HEXA: variants seen among roughly 807,000 people sequenced by gnomAD.
HEXA encodes beta-hexosaminidase subunit alpha.
A neutral mutation model predicts 73.3 loss-of-function variants in HEXA; 54 were observed. That is an observed-to-expected ratio of 0.74 (90% CI 0.59 to 0.92). The LOEUF (loss-of-function observed/expected upper bound fraction) is 0.92, where lower values mean the gene tolerates loss of function less well. HEXA is among the 40% of genes least tolerant of loss of function. HEXA has a pLI of 0.00. For synonymous variants in HEXA, 230 were observed against 246.9 expected (o/e 0.93, Z 0.64); for missense variants, 649 against 653.0 (o/e 0.99, Z 0.07).
rs1358141089 is a variant in HEXA, at chr15:72,342,609, G to A, written c.*1468C>T. On this transcript the variant is annotated 3_prime_UTR_variant, in exon 14 of 14. Coordinates refer to ENST00000268097, the MANE Select transcript of HEXA (RefSeq NM_000520.6). ...GGAGGGGGCAGTCTGGGTCCACGAC[G>A]AGACATTTCCTTCTAGAGAAAATCA... is the stretch of plus-strand genomic sequence containing the variant. 2 of 152,196 alleles carry A rather than the reference G, an allele frequency of 1.3e-5. No individual in the cohort carries two copies. The highest frequency in any genetic ancestry group is 2.4e-5 in the African/African-American group (1 of 41,416). 9.4% of individuals were successfully genotyped at this position (152,196 alleles called of 1,614,324 possible).
Position 72,343,528 on chromosome 15 carries a change from G to C in HEXA, c.*549C>G, listed in dbSNP as rs60288568. The C allele has an allele frequency of 1.1e-3, 174 of 157,202 alleles. 1 individual carries two copies. The highest frequency in any genetic ancestry group is 4.0e-3 in the African/African-American group (166 of 41,606). The allele number at this position is 157,202 out of a possible 1,614,324, so 9.7% of individuals were successfully genotyped here. A position where few individuals can be genotyped will look rare whatever the true frequency, so the allele number is the denominator to read the frequency against. ...CAAAGGAGAATAGCTCTAGGGGAGG[G>C]AGGTGGATGAGTATGCATGGGGGAG... is the stretch of plus-strand genomic sequence containing the variant. On this transcript the variant is annotated 3_prime_UTR_variant, in exon 14 of 14. Coordinates refer to ENST00000268097, the MANE Select transcript of HEXA (RefSeq NM_000520.6).
intron 7 of HEXA, chr15:72,350,244 T>G (rs2088677153): frequency 6.5e-6 from 3 of 459,274 alleles, no homozygotes; most frequent in South Asian, 4.2e-5. Flanking sequence ...GGTGGTCAGA[T>G]TCCTCAGCAT....
At chr15:72,350,807 C>T (rs2088684996) in intron 6 of HEXA, 157 bp from the exon 7 acceptor site, 1 of 735,224 alleles carries the variant, frequency 1.4e-6, no homozygotes, top group Non-Finnish European at 2.3e-6. Flanking sequence ...CATAATTTCC[C>T]AGAAGTTATC....
intron 1 of HEXA, among the ~76,000 whole-genome samples, chr15:72,373,345 T>G (rs1050352896): frequency 6.6e-6 from 1 of 152,242 alleles, no homozygotes; most frequent in Non-Finnish European, 1.5e-5. Context: ...GCTTCATCCT[T>G]GTTTCTGCAG....
chr15:72,349,287 T>G lies in HEXA; in HGVS notation c.806-28A>C, dbSNP rs190019714. The G allele has an allele frequency of 3.5e-5, 55 of 1,579,544 alleles. No individual in the cohort carries two copies. In the East Asian group the frequency reaches 1.1e-3, roughly 30 times the overall value. ...AAGCCAAGAGAAAACCCCATATGAG[T>G]GTCACAAATACATAAACCCCCACGC... On this transcript the variant is annotated intron_variant, in intron 7 of 13. Transcript: ENST00000268097.
chr15:72,360,842 C>T (rs941427892), intron 1 of HEXA, among the ~76,000 whole-genome samples: 3 of 152,150 alleles, frequency 2.0e-5, no homozygotes, highest in Non-Finnish European at 4.4e-5. Context: ...GATCATAATA[C>T]CTATATAATT....
chr15:72,352,030 C>T (rs999303108), intron 5 of HEXA, among the ~76,000 whole-genome samples: 3 of 152,088 alleles, frequency 2.0e-5, no homozygotes, highest in African/African-American at 7.2e-5. Flanking sequence ...AATCACAGTT[C>T]ATGCATCCTT....
chr15:72,368,882 G>T (rs1483420161), intron 1 of HEXA, among the ~76,000 whole-genome samples: 1 of 152,210 alleles, frequency 6.6e-6, no homozygotes, highest in African/African-American at 2.4e-5. Flanking sequence ...CAAACAGTAA[G>T]TAGTTAAACT....
At chr15:72,351,458 A>G (rs2088695342) in intron 5 of HEXA, 3 of 602,380 alleles carry the variant, frequency 5.0e-6, no homozygotes, top group Admixed American at 5.5e-5. Flanking sequence ...AACACATCCA[A>G]AGATGGATGA....
chr15:72,343,936 C>T lies in HEXA; in HGVS notation c.*141G>A. 1 of 709,874 alleles carries T rather than the reference C, an allele frequency of 1.4e-6. No homozygotes were observed. The highest frequency in any genetic ancestry group is 1.5e-5 in the South Asian group (1 of 68,558). The allele number at this position is 709,874 out of a possible 1,614,324, so 44.0% of individuals were successfully genotyped here. A position where few individuals can be genotyped will look rare whatever the true frequency, so the allele number is the denominator to read the frequency against. ...TCTTTATTGAATGCGAGCGCCAGCA[C>T]CGGCCCCTTTCTCTCCAAGCACAGG... On this transcript the variant is annotated 3_prime_UTR_variant, in exon 14 of 14. Transcript: ENST00000268097.
rs543215030 is a variant in HEXA, at chr15:72,371,760, C to T, written c.253+3960G>A. On this transcript the variant is annotated intron_variant, in intron 1 of 13. Coordinates refer to ENST00000268097, the MANE Select transcript of HEXA (RefSeq NM_000520.6). ...GGCCAAAGAAGGTATTTTAGGAGATCCAGATTATAATGAACTATGCCATTT... is the reference window on the plus strand; with the variant it reads ...GGCCAAAGAAGGTATTTTAGGAGATTCAGATTATAATGAACTATGCCATTT... Among the ~76,000 whole-genome samples, 86 of 152,244 alleles carry T rather than the reference C, an allele frequency of 5.6e-4. 1 individual carries two copies. The Middle Eastern group carries it at 0.031, about 54-fold the overall frequency.
At chr15:72,369,464 A>C (rs1595812095) in intron 1 of HEXA, among the ~76,000 whole-genome samples, 3 of 152,372 alleles carry the variant, frequency 2.0e-5, no homozygotes, top group Admixed American at 2.0e-4. Flanking sequence ...TTTCAGGACC[A>C]GTAGAAGAAA....
chr15:72,353,017 T>C, intron 5 of HEXA, 51 bp downstream of exon 5: 1 of 1,099,414 alleles, frequency 9.1e-7, no homozygotes, highest in Non-Finnish European at 1.4e-6. Context: ...TGTCCGTTGC[T>C]CCATCACCCT....
chr15:72,353,929 A>G, intron 3 of HEXA, 192 bp from the exon 4 acceptor site: 1 of 641,246 alleles, frequency 1.6e-6, no homozygotes, highest in Non-Finnish European at 2.8e-6. Flanking sequence ...TTACTTCTGT[A>G]TTTCATTTTG....
intron 1 of HEXA, among the ~76,000 whole-genome samples, chr15:72,373,892 G>A (rs183301084): frequency 1.3e-3 from 194 of 151,992 alleles, no homozygotes; most frequent in African/African-American, 4.5e-3. Context: ...CCACCTACTC[G>A]GGAGGCTGAG....
At chr15:72,349,827 G>T (rs1262316411) in intron 7 of HEXA, among the ~76,000 whole-genome samples, 3 of 152,136 alleles carry the variant, frequency 2.0e-5, no homozygotes, top group African/African-American at 7.2e-5. Context: ...ACAGTGGCAT[G>T]ATCTTGGCTC....
In HEXA at chr15:72,350,560, C is replaced by A. The variant is rs533004263; in HGVS notation, c.763G>T (p.Ala255Ser). Reference sequence around the variant, plus strand: ...GTGTGGCCAGGAGTGTCAAACTCTGCAAGCACACGGATACCCCGGAGCCGT... The same window carrying A: ...GTGTGGCCAGGAGTGTCAAACTCTGAAAGCACACGGATACCCCGGAGCCGT... The part of the protein sequence containing the change: ...YARLRGIRVL[A>S]EFDTPGHTLS... The change falls in exon 7 of 14, where the codon GCA (alanine) becomes TCA (serine). Residue 255 changes from alanine to serine, a missense_variant. Ala to Ser is a moderately conservative substitution (Grantham distance 99). Transcript: ENST00000268097. 1 of 1,614,146 alleles carries A rather than the reference C, an allele frequency of 6.2e-7. No homozygotes were observed. The highest frequency in any genetic ancestry group is 1.1e-5 in the South Asian group (1 of 91,080).
At chr15:72,364,520 T>C (rs2088891697) in intron 1 of HEXA, among the ~76,000 whole-genome samples, 1 of 152,208 alleles carries the variant, frequency 6.6e-6, no homozygotes, top group African/African-American at 2.4e-5. Context: ...AACAACACTC[T>C]AGTAAACAAA....
chr15:72,350,989 C>A, intron 6 of HEXA, 144 bp downstream of exon 6: 1 of 704,902 alleles, frequency 1.4e-6, no homozygotes, highest in Non-Finnish European at 2.6e-6. Flanking sequence ...GAACTCAAGT[C>A]TCCTGACTCC....
Sources: allele counts gnomAD v4.1 joint callset (sites outside exome capture counted in the v4.1 genomes callset), GRCh38; gene constraint gnomAD v4.1.1; transcripts MANE v1.5; gene names NCBI Gene and HGNC (gene_info 2026-07-23, HGNC 2026-07-21).